The following FGD4 variants were observed in gnomAD, a reference collection of about 807,000 sequenced individuals.
The protein encoded by FGD4 is FYVE, RhoGEF and PH domain containing 4.
In FGD4, 42 loss-of-function variants were observed where a neutral mutation model predicts 102.0. That is an observed-to-expected ratio of 0.41 (90% confidence interval 0.32 to 0.53). The LOEUF is 0.53. FGD4 is among the 20% of genes least tolerant of loss of function. The pLI is 0.21. For synonymous variants in FGD4, 380 were observed against 375.7 expected (o/e 1.01, Z -0.13); for missense variants, 902 against 1,078.2 (o/e 0.84, Z 2.29).
At chr12:32,494,466 T>C (rs1289810716) in intron 1 of FGD4, among the ~76,000 whole-genome samples, 2 of 152,240 alleles carry the variant, frequency 1.3e-5, no homozygotes, top group Non-Finnish European at 2.9e-5. Flanking sequence ...ATTAAGAGCT[T>C]CTAGCCATTC....
chr12:32,590,386 T>G (rs1290488101), intron 4 of FGD4, among the ~76,000 whole-genome samples: 2 of 152,054 alleles, frequency 1.3e-5, no homozygotes, highest in African/African-American at 4.8e-5. Context: ...TCTCTCTTTT[T>G]AATAATGTGA....
At chr12:32,417,988 G>A (rs186568) in intron 1 of FGD4, among the ~76,000 whole-genome samples, 72,117 of 134,496 alleles carry the variant, frequency 0.54, 19,718 homozygotes, top group African/African-American at 0.68. Flanking sequence ...ACAGAGTCTC[G>A]CTCTGTCGCC....
intron 1 of FGD4, among the ~76,000 whole-genome samples, chr12:32,436,137 GC>G (rs2136446061): frequency 6.6e-6 from 1 of 152,292 alleles, no homozygotes; most frequent in South Asian, 2.1e-4. Flanking sequence ...GTACAGTGTA[GC>G]CCTCCTATTA....
chr12:32,485,577 A>G (rs1026141421), intron 1 of FGD4, among the ~76,000 whole-genome samples: 2 of 150,852 alleles, frequency 1.3e-5, no homozygotes, highest in Admixed American at 1.3e-4. Flanking sequence ...AGCAGCTGGG[A>G]CTACAGGCGC....
At chr12:32,424,080 T>A (rs1041047291) in intron 1 of FGD4, among the ~76,000 whole-genome samples, 2 of 152,168 alleles carry the variant, frequency 1.3e-5, no homozygotes, top group African/African-American at 4.8e-5. Flanking sequence ...TTATTTATTT[T>A]TTGTTATACT....
At chr12:32,427,416 T>C (rs1941879107) in intron 1 of FGD4, among the ~76,000 whole-genome samples, 1 of 152,232 alleles carries the variant, frequency 6.6e-6, no homozygotes, top group African/African-American at 2.4e-5. Flanking sequence ...TTGATTGCGC[T>C]GTAGTCTGAA....
chr12:32,634,297 A>T lies in FGD4; in HGVS notation c.2313+608A>T, dbSNP rs139052418. On this transcript the variant is annotated intron_variant, in intron 15 of 16. Coordinates refer to ENST00000534526, the MANE Select transcript of FGD4 (RefSeq NM_001370298.3). Reference sequence around the variant, plus strand: ...TCTATAAAGGAAAGCTTTTACTCTCAATTTCGTCATATTGGCTTTACAAAC... The same window carrying T: ...TCTATAAAGGAAAGCTTTTACTCTCTATTTCGTCATATTGGCTTTACAAAC... 3.2e-3 allele frequency among the ~76,000 whole-genome samples: 492 copies of T among 152,282 alleles called. 4 individuals carry two copies. Among genetic ancestry groups the T allele is most frequent in the African/African-American group, 0.011 (459 of 41,530 alleles).
chr12:32,430,065 T>G (rs1941997972), intron 1 of FGD4, among the ~76,000 whole-genome samples: 1 of 152,166 alleles, frequency 6.6e-6, no homozygotes, highest in South Asian at 2.1e-4. Flanking sequence ...CCCAGCACTT[T>G]GGGAGGCTGA....
At chr12:32,531,257 CT>C (rs1247782616) in intron 1 of FGD4, among the ~76,000 whole-genome samples, 7 of 151,882 alleles carry the variant, frequency 4.6e-5, no homozygotes, top group Non-Finnish European at 1.0e-4. Context: ...CCCTCCTAGC[CT>C]CTTTTTTAAT....
intron 4 of FGD4, among the ~76,000 whole-genome samples, chr12:32,585,222 T>TTATATATATATATATATATATA (rs140227421): frequency 1.4e-3 from 157 of 116,072 alleles, no homozygotes; most frequent in Non-Finnish European, 1.9e-3. Flanking sequence ...CTCAAAAATT[T>TTATATATATATATATATATATA]TATATATATA....
intron 1 of FGD4, among the ~76,000 whole-genome samples, chr12:32,508,872 A>G (rs866206375): frequency 6.6e-6 from 1 of 152,240 alleles, no homozygotes; most frequent in Non-Finnish European, 1.5e-5. Flanking sequence ...GCATTGGGTC[A>G]GATTGCCTGA....
chr12:32,602,731 A>G (rs944734730), intron 7 of FGD4, among the ~76,000 whole-genome samples: 6 of 152,134 alleles, frequency 3.9e-5, no homozygotes, highest in Non-Finnish European at 8.8e-5. Context: ...CTTCTGTTTC[A>G]CCAAACCTGA....
rs1592521335 is a variant in FGD4 at position 32,642,767 on chromosome 12, G to GA, written c.*2234_*2235insA. 1 of 152,130 alleles carries GA rather than the reference G, an allele frequency of 6.6e-6. No homozygotes were observed. The highest frequency in any genetic ancestry group is 1.9e-4 in the East Asian group (1 of 5,204). The allele number at this position is 152,130 out of a possible 1,614,324, so 9.4% of individuals were successfully genotyped here. ...TCCACCCCACATTCTTCAGCTAAAC[G>GA]CAAAGAGAAGCAGTGAAACAGCCTT... On this transcript the variant is annotated 3_prime_UTR_variant, in exon 17 of 17. Coordinates refer to ENST00000534526, the MANE Select transcript of FGD4 (RefSeq NM_001370298.3).
chr12:32,633,626 C>G lies in FGD4; in HGVS notation c.2250C>G (p.Asp750Glu). 5 of 1,612,758 alleles carry G rather than the reference C, an allele frequency of 3.1e-6. No individual in the cohort carries two copies. The highest frequency in any genetic ancestry group is 1.7e-4 in the Middle Eastern group (1 of 6,056). The stretch of plus-strand genomic sequence containing the variant: ...GTAAATTGAGCAAAGTTTGTAAAGA[C>G]TGTTATCAAATCATAAGTGGATTCA... ...DGGKLSKVCK[D>E]CYQIISGFTD... Residue 750 changes from aspartate to glutamate, a missense_variant, in exon 15 of 17, where the codon GAC (aspartate) becomes GAG (glutamate). Asp to Glu is a conservative substitution (Grantham distance 45, BLOSUM62 2). This residue lies in a region of FGD4 where 459 missense variants were observed against 619.0 expected (regional missense o/e 0.74). Coordinates refer to ENST00000534526, the MANE Select transcript of FGD4 (RefSeq NM_001370298.3).
At chr12:32,479,589 T>A (rs1943666659) in intron 1 of FGD4, among the ~76,000 whole-genome samples, 1 of 147,890 alleles carries the variant, frequency 6.8e-6, no homozygotes, top group Non-Finnish European at 1.5e-5. Flanking sequence ...CAGTGAGAGG[T>A]CTGTATTTTC....
chr12:32,464,414 A>G (rs1182382897), intron 1 of FGD4, among the ~76,000 whole-genome samples: 2 of 152,140 alleles, frequency 1.3e-5, no homozygotes, highest in Non-Finnish European at 2.9e-5. Context: ...CGGTCTCCCA[A>G]AGTGCTAGGA....
chr12:32,606,011 C>T (rs1948755916), intron 7 of FGD4, among the ~76,000 whole-genome samples: 1 of 152,152 alleles, frequency 6.6e-6, no homozygotes, highest in South Asian at 2.1e-4. Context: ...GATTGGGAAT[C>T]AACTAACCTA....
intron 1 of FGD4, among the ~76,000 whole-genome samples, chr12:32,513,184 C>T (rs1939562195): frequency 2.0e-5 from 3 of 152,234 alleles, no homozygotes; most frequent in East Asian, 3.9e-4. Flanking sequence ...ATCAGAAATA[C>T]GTCACCTTGG....
chr12:32,626,622 TTAGA>T (rs940379644), intron 14 of FGD4, among the ~76,000 whole-genome samples: 41 of 152,142 alleles, frequency 2.7e-4, no homozygotes, highest in African/African-American at 9.6e-4. Flanking sequence ...AGGAGGAACG[TTAGA>T]TAAATAATGG....
Sources: gnomAD v4.1 joint callset for allele counts (sites outside exome capture counted in the v4.1 genomes callset) on GRCh38, gnomAD v4.1.1 for gene constraint, gnomAD v4.1.1 regional missense constraint, MANE v1.5 for transcripts, NCBI Gene and HGNC (gene_info 2026-07-23, HGNC 2026-07-21) for gene names.